TLE1: variants seen among roughly 807,000 people sequenced by gnomAD.
TLE1 encodes TLE family member 1, transcriptional corepressor.
In TLE1, 21 loss-of-function variants were observed where a neutral mutation model predicts 89.8. That is an observed-to-expected ratio of 0.23 (90% CI 0.17 to 0.34). TLE1 has a LOEUF of 0.34. Ranked by LOEUF, TLE1 falls within the 10% of genes least tolerant of loss-of-function variation. The pLI is 1.00. For synonymous variants in TLE1, 447 were observed against 407.6 expected (o/e 1.10, Z -1.16); for missense variants, 795 against 1,031.2 (o/e 0.77, Z 3.14).
At chr9:81,666,258 T>C (rs980380832) in intron 4 of TLE1, among the ~76,000 whole-genome samples, 1 of 152,082 alleles carries the variant, frequency 6.6e-6, no homozygotes, top group African/African-American at 2.4e-5. Flanking sequence ...TCACAGATCA[T>C]CACCGTGAAG....
chr9:81,619,610 G>A (rs1036548761), intron 9 of TLE1, among the ~76,000 whole-genome samples: 1 of 152,168 alleles, frequency 6.6e-6, no homozygotes, highest in East Asian at 1.9e-4. Flanking sequence ...AGGGCATCAG[G>A]GACGTAGCCC....
Position 81,584,020 on chromosome 9 carries a change from G to C in TLE1, c.*178C>G. The C allele has an allele frequency of 1.6e-6, 1 of 614,980 alleles. No individual in the cohort carries two copies. The highest frequency in any genetic ancestry group is 2.9e-6 in the Non-Finnish European group (1 of 350,424). 38.1% of individuals were successfully genotyped at this position (614,980 alleles called of 1,614,324 possible). A position where few individuals can be genotyped will look rare whatever the true frequency, so the allele number is the denominator to read the frequency against. ...CTCCATTTGGTCTATGTAGACAGGT[G>C]ACTTTCTGCTGATGGACTTGTCGCC... On this transcript the variant is annotated 3_prime_UTR_variant, in exon 20 of 20. Transcript: ENST00000376499.
intron 6 of TLE1, among the ~76,000 whole-genome samples, chr9:81,651,380 C>T (rs1829510453): frequency 6.6e-6 from 1 of 152,096 alleles, no homozygotes; most frequent in Non-Finnish European, 1.5e-5. Flanking sequence ...ATGGAATGCA[C>T]GGTTCACCAG....
Position 81,663,700 on chromosome 9 carries a change from G to A in TLE1, c.235-9664C>T, listed in dbSNP as rs529259024. Among the ~76,000 whole-genome samples, 44 of 148,870 alleles carry A rather than the reference G, an allele frequency of 3.0e-4. 1 individual carries two copies. Among genetic ancestry groups the A allele is most frequent in the Admixed American group, 2.0e-3 (30 of 14,738 alleles). The stretch of plus-strand genomic sequence containing the variant: ...TGCAGTGGCGCAATCTCGGCTCACT[G>A]CAAGCTCTGCCTCCCGGGTTCACGC... On this transcript the variant is annotated intron_variant, in intron 4 of 19. Coordinates refer to ENST00000376499, the MANE Select transcript of TLE1 (RefSeq NM_005077.5).
At chr9:81,652,620 C>A (rs1427591230) in intron 5 of TLE1, among the ~76,000 whole-genome samples, 1 of 152,060 alleles carries the variant, frequency 6.6e-6, no homozygotes, top group Non-Finnish European at 1.5e-5. Flanking sequence ...CCCTTGTTCA[C>A]AAAAGGGGTT....
intron 16 of TLE1, among the ~76,000 whole-genome samples, chr9:81,588,657 C>G (rs1326616655): frequency 2.0e-5 from 3 of 152,178 alleles, no homozygotes; most frequent in Non-Finnish European, 4.4e-5. Context: ...ACTAGCAGAG[C>G]TGCTGAGGGG....
chr9:81,684,237 AG>A (rs1833979186), intron 4 of TLE1, among the ~76,000 whole-genome samples: 1 of 149,064 alleles, frequency 6.7e-6, no homozygotes, highest in Non-Finnish European at 1.5e-5. Flanking sequence ...CAGATCTTCT[AG>A]CCCATTTACT....
intron 4 of TLE1, among the ~76,000 whole-genome samples, chr9:81,666,981 G>A (rs891449632): frequency 6.6e-6 from 1 of 151,858 alleles, no homozygotes; most frequent in Non-Finnish European, 1.5e-5. Flanking sequence ...TTAGCCGGGT[G>A]TGGTGGTGTG....
At chr9:81,649,964 T>A (rs905101292) in intron 6 of TLE1, among the ~76,000 whole-genome samples, 1 of 152,128 alleles carries the variant, frequency 6.6e-6, no homozygotes, top group African/African-American at 2.4e-5. Flanking sequence ...CCTTCGGACA[T>A]AAATTCATAT....
intron 11 of TLE1, among the ~76,000 whole-genome samples, chr9:81,615,119 AAAGAAG>A (rs772033823): frequency 2.5e-5 from 2 of 81,318 alleles, no homozygotes; most frequent in South Asian, 4.6e-4. Context: ...AAAAAAAAAA[AAAGAAG>A]AAGAAGAAGA....
rs770614478 is a variant in TLE1 at position 81,685,726 on chromosome 9, AAG to A, written c.190-8_190-7del. ...CCATATGACATTTCATAATACTGTA[AAG>A]AGAAAAAAGAATCAAGCATTTCATT... On this transcript the variant is annotated splice_polypyrimidine_tract_variant and splice_region_variant and intron_variant, in intron 3 of 19. Coordinates refer to ENST00000376499, the MANE Select transcript of TLE1 (RefSeq NM_005077.5). 1.2e-6 allele frequency: 2 copies of A among 1,613,320 alleles called. No homozygotes were observed. Among genetic ancestry groups the A allele is most frequent in the Non-Finnish European group, 1.7e-6 (2 of 1,179,432 alleles).
intron 14 of TLE1, among the ~76,000 whole-genome samples, chr9:81,603,943 A>G (rs1831293248): frequency 6.6e-6 from 1 of 152,156 alleles, no homozygotes; most frequent in African/African-American, 2.4e-5. Context: ...TAGAAGTTGC[A>G]GTGAGCCGAG....
At chr9:81,639,608 A>G (rs1191826226) in intron 6 of TLE1, among the ~76,000 whole-genome samples, 1 of 135,490 alleles carries the variant, frequency 7.4e-6, no homozygotes, top group Non-Finnish European at 1.5e-5. Context: ...TTTTTGAGAC[A>G]GTCTCGCTCT....
intron 14 of TLE1, 46 bp from the exon 15 acceptor site, chr9:81,593,320 A>G (rs2131845231): frequency 1.3e-6 from 2 of 1,561,450 alleles, no homozygotes; most frequent in African/African-American, 1.3e-5. Context: ...ACATTTACAG[A>G]GGAAGCAATC....
chr9:81,629,402 G>C (rs1468582893), intron 8 of TLE1, among the ~76,000 whole-genome samples: 1 of 152,084 alleles, frequency 6.6e-6, no homozygotes. Context: ...CTCAAGAGCT[G>C]CACTTATATA....
chr9:81,648,455 C>CA (rs1429095752), intron 6 of TLE1, among the ~76,000 whole-genome samples: 1 of 152,000 alleles, frequency 6.6e-6, no homozygotes, highest in Non-Finnish European at 1.5e-5. Flanking sequence ...ACACAGGTAT[C>CA]AAAAATCAAG....
intron 12 of TLE1, among the ~76,000 whole-genome samples, chr9:81,613,132 C>A (rs540065946): frequency 6.6e-6 from 1 of 152,132 alleles, no homozygotes; most frequent in African/African-American, 2.4e-5. Flanking sequence ...GGGACAAGAG[C>A]GAGACTTCGT....
chr9:81,663,622 C>CTT (rs35562910), intron 4 of TLE1, among the ~76,000 whole-genome samples: 59 of 134,676 alleles, frequency 4.4e-4, no homozygotes, highest in African/African-American at 1.2e-3. Flanking sequence ...ACAGAATAGA[C>CTT]TTTTTTTTTT....
intron 6 of TLE1, among the ~76,000 whole-genome samples, chr9:81,643,160 G>A (rs1460602094): frequency 6.6e-6 from 1 of 152,110 alleles, no homozygotes; most frequent in Non-Finnish European, 1.5e-5. Context: ...GTACAACACG[G>A]TGACTATAGT....
Sources: gnomAD v4.1 joint callset for allele counts (sites outside exome capture counted in the v4.1 genomes callset) on GRCh38, gnomAD v4.1.1 for gene constraint, MANE v1.5 for transcripts, NCBI Gene and HGNC (gene_info 2026-07-23, HGNC 2026-07-21) for gene names.